Variants in CAPRIN1 observed in about 807,000 individuals in gnomAD.
CAPRIN1 encodes caprin-1.
In CAPRIN1, 29 loss-of-function variants were observed where a neutral mutation model predicts 100.9. That is an observed-to-expected ratio of 0.29 (90% CI 0.21 to 0.39). The LOEUF is 0.39. Among genes scored for constraint, CAPRIN1 ranks in the 10% least tolerant of loss-of-function variants. The pLI is 1.00. For synonymous variants in CAPRIN1, 338 were observed against 307.5 expected (o/e 1.10, Z -1.04); for missense variants, 795 against 876.7 (o/e 0.91, Z 1.18).
In CAPRIN1 at chr11:34,055,091, A is replaced by G. The variant is rs1425049844; in HGVS notation, c.216+2455A>G. Among the ~76,000 whole-genome samples the G allele has an allele frequency of 2.0e-5, 3 of 152,194 alleles. 1 individual carries two copies. Among genetic ancestry groups the G allele is most frequent in the Non-Finnish European group, 4.4e-5 (3 of 68,032 alleles). ...AGGACTTGAACCATGACTGGTCATT[A>G]AATGTGTATAGGTGTATGTGAATTA... is the stretch of plus-strand genomic sequence containing the variant. On this transcript the variant is annotated intron_variant, in intron 2 of 18. Transcript: ENST00000341394.
intron 2 of CAPRIN1, among the ~76,000 whole-genome samples, chr11:34,064,746 T>G (rs1850652382): frequency 6.6e-6 from 1 of 152,110 alleles, no homozygotes; most frequent in South Asian, 2.1e-4. Flanking sequence ...ATGCCTTTGT[T>G]TTTTCTCTCT....
chr11:34,091,780 G>A, intron 14 of CAPRIN1, 126 bp from the exon 15 acceptor site: 1 of 786,418 alleles, frequency 1.3e-6, no homozygotes, highest in South Asian at 1.8e-5. Context: ...TGTGTGTGAT[G>A]TTTTTGTGTT....
chr11:34,064,954 G>GTTTTTTTTTTTT (rs10551006), intron 2 of CAPRIN1, among the ~76,000 whole-genome samples: 1 of 63,140 alleles, frequency 1.6e-5, no homozygotes, highest in African/African-American at 6.1e-5. Flanking sequence ...CTGTATAATG[G>GTTTTTTTTTTTT]TTTTTTTTTT....
In CAPRIN1 at chr11:34,092,075, C is replaced by A. The variant is rs1325296576; in HGVS notation, c.1705+19C>A. On this transcript the variant is annotated intron_variant, in intron 15 of 18. Coordinates refer to ENST00000341394, the MANE Select transcript of CAPRIN1 (RefSeq NM_005898.5). ...CAAACAGGTACGAAATCCAGTGTCA[C>A]CTCATTGGCTCCTTGCTTTCCAGCA... The A allele has an allele frequency of 3.1e-6, 5 of 1,610,776 alleles. No homozygotes were observed.
intron 2 of CAPRIN1, among the ~76,000 whole-genome samples, chr11:34,055,414 C>G (rs1349797409): frequency 1.3e-5 from 2 of 152,198 alleles, no homozygotes; most frequent in African/African-American, 4.8e-5. Context: ...CCTCCGCCTC[C>G]TGGGTTCAAG....
intron 2 of CAPRIN1, among the ~76,000 whole-genome samples, chr11:34,064,500 C>G (rs1267835944): frequency 6.6e-6 from 1 of 152,192 alleles, no homozygotes; most frequent in African/African-American, 2.4e-5. Flanking sequence ...GATACCATAT[C>G]CTTTTCCTTA....
chr11:34,089,703 C>T (rs113060251), intron 12 of CAPRIN1, among the ~76,000 whole-genome samples: 2,643 of 152,218 alleles, frequency 0.017, 81 homozygotes, highest in African/African-American at 0.059. Flanking sequence ...TCATCAGTGT[C>T]CAAGTCTTCT....
chr11:34,097,553 A>C, intron 17 of CAPRIN1, 145 bp from the exon 18 acceptor site: 1 of 829,544 alleles, frequency 1.2e-6, no homozygotes. Context: ...CAACAATTAC[A>C]GAACAAGGTG....
At chr11:34,061,480 T>C (rs1027699143) in intron 2 of CAPRIN1, among the ~76,000 whole-genome samples, 2 of 151,986 alleles carry the variant, frequency 1.3e-5, no homozygotes, top group African/African-American at 2.4e-5. Context: ...AGTGTTGAGA[T>C]TACAGGCATG....
At position 34,054,208 on chromosome 11, in the gene CAPRIN1, C is replaced by T. The variant is rs540479348; in HGVS notation, c.216+1572C>T. Among the ~76,000 whole-genome samples the T allele has an allele frequency of 5.3e-5, 8 of 150,886 alleles. No individual in the cohort carries two copies. In the South Asian group the frequency reaches 1.7e-3, roughly 32 times the overall value. ...AAGGTTGGAAGTTTTACTTGAATTT[C>T]ATGGACTTGGGATTTCTTTTTTTTC... On this transcript the variant is annotated intron_variant, in intron 2 of 18. Transcript: ENST00000341394.
chr11:34,057,078 C>T (rs982002289), intron 2 of CAPRIN1, among the ~76,000 whole-genome samples: 11 of 152,164 alleles, frequency 7.2e-5, no homozygotes, highest in African/African-American at 2.7e-4. Flanking sequence ...CTTATGTGTT[C>T]AGTGTTTTAA....
intron 2 of CAPRIN1, among the ~76,000 whole-genome samples, chr11:34,054,368 C>G (rs1029685178): frequency 6.6e-6 from 1 of 151,850 alleles, no homozygotes; most frequent in Non-Finnish European, 1.5e-5. Flanking sequence ...ATAAGCATGC[C>G]CAAGGCCAGT....
At chr11:34,052,398 TTC>T in intron 1 of CAPRIN1, 21 bp from the exon 2 acceptor site, 1 of 1,596,638 alleles carries the variant, frequency 6.3e-7, no homozygotes. Flanking sequence ...CCGCTTTTTC[TTC>T]TCTCTCCTTG....
intron 15 of CAPRIN1, among the ~76,000 whole-genome samples, chr11:34,093,185 G>T (rs891151465): frequency 4.2e-5 from 4 of 96,350 alleles, no homozygotes; most frequent in Non-Finnish European, 8.4e-5. Context: ...AGATACTTTA[G>T]ATTTTTTTTT....
At chr11:34,055,045 C>G (rs545048588) in intron 2 of CAPRIN1, among the ~76,000 whole-genome samples, 7 of 152,170 alleles carry the variant, frequency 4.6e-5, no homozygotes, top group African/African-American at 1.7e-4. Flanking sequence ...AAATATAAAT[C>G]TAGTTTATAA....
chr11:34,073,231 C>T (rs976332315), intron 4 of CAPRIN1, among the ~76,000 whole-genome samples: 5 of 152,118 alleles, frequency 3.3e-5, no homozygotes, highest in African/African-American at 1.2e-4. Context: ...TGTGACTTGA[C>T]TTTGTAGTTT....
At chr11:34,083,065 G>A in intron 9 of CAPRIN1, 24 bp downstream of exon 9, 1 of 1,543,446 alleles carries the variant, frequency 6.5e-7, no homozygotes, top group Non-Finnish European at 9.0e-7. Flanking sequence ...GTATTGCAAA[G>A]TTGTTGTCTT....
intron 7 of CAPRIN1, among the ~76,000 whole-genome samples, chr11:34,082,069 C>T (rs996348948): frequency 3.7e-4 from 56 of 152,312 alleles, no homozygotes; most frequent in African/African-American, 1.3e-3. Flanking sequence ...ACCTCGGCCT[C>T]CCAGAGTGCT....
At chr11:34,092,267 T>G (rs1463447797) in intron 15 of CAPRIN1, among the ~76,000 whole-genome samples, 2 of 152,232 alleles carry the variant, frequency 1.3e-5, no homozygotes, top group African/African-American at 2.4e-5. Context: ...TATAGCCATT[T>G]TCCTTTTGTC....
Sources: gnomAD v4.1 joint callset for allele counts (sites outside exome capture counted in the v4.1 genomes callset) on GRCh38, gnomAD v4.1.1 for gene constraint, MANE v1.5 for transcripts, NCBI Gene and HGNC (gene_info 2026-07-23, HGNC 2026-07-21) for gene names.